The following GFOD1 variants were observed in gnomAD, a reference collection of about 807,000 sequenced individuals.
The protein encoded by GFOD1 is glucose-fructose oxidoreductase domain-containing protein 1.
In GFOD1, 9 loss-of-function variants were observed where a neutral mutation model predicts 25.4. That is an observed-to-expected ratio of 0.35 (90% CI 0.21 to 0.62). The LOEUF (loss-of-function observed/expected upper bound fraction) is 0.62, where lower values mean the gene tolerates loss of function less well. Ranked by LOEUF, GFOD1 falls within the 20% of genes least tolerant of loss-of-function variation. The pLI is 0.72. For synonymous variants in GFOD1, 253 were observed against 245.6 expected (o/e 1.03, Z -0.28); for missense variants, 403 against 556.9 (o/e 0.72, Z 2.78).
chr6:13,397,925 G>C (rs897219104), intron 1 of GFOD1, among the ~76,000 whole-genome samples: 2 of 152,070 alleles, frequency 1.3e-5, no homozygotes, highest in Non-Finnish European at 2.9e-5. Context: ...TCCGACTATG[G>C]GCCACATCCC....
rs1784967730 is a variant in GFOD1, at chr6:13,362,801, C to G, written c.*1942G>C. ...ACACCACACTTGCACCTATGAGTAG[C>G]CTGGGCTTCAAAGAATATTGACCCT... On this transcript the variant is annotated 3_prime_UTR_variant, in exon 2 of 2. Transcript: ENST00000379287. The G allele has an allele frequency of 6.6e-6, 1 of 152,232 alleles. No individual in the cohort carries two copies. Among genetic ancestry groups the G allele is most frequent in the South Asian group, 2.1e-4 (1 of 4,836 alleles). 9.4% of individuals were successfully genotyped at this position (152,232 alleles called of 1,614,324 possible). A position where few individuals can be genotyped will look rare whatever the true frequency, so the allele number is the denominator to read the frequency against.
chr6:13,437,567 C>T (rs570158874), intron 1 of GFOD1, among the ~76,000 whole-genome samples: 2 of 152,272 alleles, frequency 1.3e-5, no homozygotes, highest in African/African-American at 2.4e-5. Context: ...TTGTGACTAG[C>T]GGCTACTATG....
intron 1 of GFOD1, among the ~76,000 whole-genome samples, chr6:13,366,117 A>T (rs1438043916): frequency 6.6e-6 from 1 of 151,982 alleles, no homozygotes; most frequent in Admixed American, 6.6e-5. Context: ...AATGAAAATA[A>T]AAAAGATATT....
rs1785003717 is a variant in GFOD1 at position 13,364,671 on chromosome 6, C to T, written c.*72G>A. The T allele has an allele frequency of 1.6e-6, 2 of 1,283,918 alleles. No individual in the cohort carries two copies. Among genetic ancestry groups the T allele is most frequent in the Non-Finnish European group, 2.2e-6 (2 of 917,952 alleles). The allele number at this position is 1,283,918 out of a possible 1,614,324, so 79.5% of individuals were successfully genotyped here. ...TCCCCACATTCCCCATGGTCACCCT[C>T]TCCCCTCGGCCCTTCCCTCTCTGTG... On this transcript the variant is annotated 3_prime_UTR_variant, in exon 2 of 2. Coordinates refer to ENST00000379287, the MANE Select transcript of GFOD1 (RefSeq NM_018988.4). The surrounding 1 kb of genome is among the most constrained non-coding windows in gnomAD (Gnocchi z 4.1).
intron 1 of GFOD1, among the ~76,000 whole-genome samples, chr6:13,417,913 C>T (rs1303955463): frequency 6.6e-6 from 1 of 152,210 alleles, no homozygotes; most frequent in African/African-American, 2.4e-5. Flanking sequence ...TACACTCCTG[C>T]AGGCATTCTG....
At chr6:13,434,194 G>C (rs1343948525) in intron 1 of GFOD1, among the ~76,000 whole-genome samples, 2 of 151,854 alleles carry the variant, frequency 1.3e-5, no homozygotes, top group Non-Finnish European at 2.9e-5. Flanking sequence ...CAGGAATCAA[G>C]TGCATGGCAT....
intron 1 of GFOD1, among the ~76,000 whole-genome samples, chr6:13,425,531 G>A (rs185839903): frequency 6.6e-6 from 1 of 152,332 alleles, no homozygotes; most frequent in East Asian, 1.9e-4. Flanking sequence ...TTTGAAAATT[G>A]TGAGCTTGTT....
intron 1 of GFOD1, among the ~76,000 whole-genome samples, chr6:13,425,650 C>T (rs923063726): frequency 4.3e-4 from 66 of 152,194 alleles, no homozygotes; most frequent in African/African-American, 1.5e-3. Flanking sequence ...CCAGTATACA[C>T]ATTCTGACAT....
At chr6:13,455,995 G>A (rs1758181876) in intron 1 of GFOD1, among the ~76,000 whole-genome samples, 2 of 152,170 alleles carry the variant, frequency 1.3e-5, no homozygotes, top group South Asian at 4.1e-4. Context: ...TGCTACAGCA[G>A]GCCTGACAGG....
intron 1 of GFOD1, among the ~76,000 whole-genome samples, chr6:13,473,087 C>A (rs1387874074): frequency 2.0e-5 from 3 of 152,122 alleles, no homozygotes; most frequent in Admixed American, 2.0e-4. Flanking sequence ...GAGTTTGTAG[C>A]CCCACCCACC....
At chr6:13,386,593 C>T (rs538352041) in intron 1 of GFOD1, among the ~76,000 whole-genome samples, 1 of 152,328 alleles carries the variant, frequency 6.6e-6, no homozygotes, top group East Asian at 1.9e-4. Flanking sequence ...CAAAGCTCTG[C>T]TCCCCAACGA....
intron 1 of GFOD1, among the ~76,000 whole-genome samples, chr6:13,452,567 T>A (rs1185071784): frequency 6.6e-6 from 1 of 152,174 alleles, no homozygotes; most frequent in Non-Finnish European, 1.5e-5. Flanking sequence ...TCTCGCTGTG[T>A]CCTCACAGCA....
chr6:13,480,683 C>A (rs980090426), intron 1 of GFOD1, among the ~76,000 whole-genome samples: 2 of 152,124 alleles, frequency 1.3e-5, no homozygotes, highest in Non-Finnish European at 2.9e-5. Flanking sequence ...GACAAGATCT[C>A]ACTATGTTGC....
At chr6:13,388,853 A>C (rs538840628) in intron 1 of GFOD1, among the ~76,000 whole-genome samples, 19 of 152,298 alleles carry the variant, frequency 1.2e-4, no homozygotes, top group African/African-American at 4.3e-4. Flanking sequence ...AAAATTTTTG[A>C]AATCTACCCA....
At chr6:13,422,734 G>C (rs4145562) in intron 1 of GFOD1, among the ~76,000 whole-genome samples, 1 of 152,030 alleles carries the variant, frequency 6.6e-6, no homozygotes, top group South Asian at 2.1e-4. Context: ...CCAGTAGGCT[G>C]GTTCCTTTGT....
rs148585629 is a variant in GFOD1 at position 13,364,168 on chromosome 6, A to G, written c.*575T>C. ...TCAATCAAAAGGTGGCCACTTTGCT[A>G]CTAAGTACTTTTGCCGTTAGATACC... On this transcript the variant is annotated 3_prime_UTR_variant, in exon 2 of 2. Coordinates refer to ENST00000379287, the MANE Select transcript of GFOD1 (RefSeq NM_018988.4). This position sits in a 1 kb window ranked among gnomAD's most constrained non-coding sequence, Gnocchi z 4.1. 1.3e-5 allele frequency: 2 copies of G among 153,308 alleles called. No homozygotes were observed. The highest frequency in any genetic ancestry group is 4.8e-5 in the African/African-American group (2 of 41,560). The allele number at this position is 153,308 out of a possible 1,614,324, so 9.5% of individuals were successfully genotyped here.
chr6:13,438,261 G>A (rs1473641178), intron 1 of GFOD1, among the ~76,000 whole-genome samples: 1 of 152,156 alleles, frequency 6.6e-6, no homozygotes, highest in Non-Finnish European at 1.5e-5. Context: ...TTAAAACTTA[G>A]AATACAAAAG....
At chr6:13,415,002 G>T (rs990542781) in intron 1 of GFOD1, among the ~76,000 whole-genome samples, 1 of 152,196 alleles carries the variant, frequency 6.6e-6, no homozygotes, top group African/African-American at 2.4e-5. Context: ...TCCGAGCAGG[G>T]AAGGGAATTA....
intron 1 of GFOD1, among the ~76,000 whole-genome samples, chr6:13,443,659 T>C (rs906078817): frequency 6.6e-6 from 1 of 151,406 alleles, no homozygotes; most frequent in Non-Finnish European, 1.5e-5. Flanking sequence ...CAACTAAAAA[T>C]ACAAAAATTA....
Sources: allele counts gnomAD v4.1 joint callset (sites outside exome capture counted in the v4.1 genomes callset), GRCh38; gene constraint gnomAD v4.1.1; non-coding constraint Gnocchi (gnomAD v3.1); transcripts MANE v1.5; gene names NCBI Gene and HGNC (gene_info 2026-07-23, HGNC 2026-07-21).